PTPN9: variants seen among roughly 807,000 people sequenced by gnomAD.
The protein encoded by PTPN9 is tyrosine-protein phosphatase non-receptor type 9.
In PTPN9, 26 loss-of-function variants were observed where a neutral mutation model predicts 69.8. The observed-to-expected ratio is 0.37, with a 90% CI of 0.27 to 0.52. The LOEUF is 0.52. Ranked by LOEUF, PTPN9 falls within the 20% of genes least tolerant of loss-of-function variation. PTPN9 has a pLI of 0.91. For synonymous variants in PTPN9, 274 were observed against 272.5 expected (o/e 1.01, Z -0.05); for missense variants, 549 against 740.3 (o/e 0.74, Z 3.00).
intron 8 of PTPN9, among the ~76,000 whole-genome samples, chr15:75,488,175 G>A (rs767110265): frequency 1.7e-4 from 26 of 152,098 alleles, no homozygotes; most frequent in Non-Finnish European, 3.4e-4. Context: ...CAGCTACTCG[G>A]GAGGCTGAGA....
At chr15:75,478,405 CTTTAA>C (rs780272045) in intron 9 of PTPN9, among the ~76,000 whole-genome samples, 27 of 152,018 alleles carry the variant, frequency 1.8e-4, no homozygotes, top group Non-Finnish European at 3.4e-4. Flanking sequence ...GTGACTGGCC[CTTTAA>C]TTTATTTATT....
intron 7 of PTPN9, among the ~76,000 whole-genome samples, chr15:75,503,601 T>G (rs1451023796): frequency 1.1e-5 from 1 of 93,566 alleles, no homozygotes; most frequent in African/African-American, 4.3e-5. Flanking sequence ...GGTGGGGGGG[T>G]CAGCCCCCCG....
At chr15:75,507,783 G>A (rs1290508598) in intron 6 of PTPN9, among the ~76,000 whole-genome samples, 1 of 151,176 alleles carries the variant, frequency 6.6e-6, no homozygotes, top group Non-Finnish European at 1.5e-5. Context: ...GGTGGCTCAC[G>A]CTTGTAATCC....
In PTPN9 at chr15:75,468,080, A is replaced by G. The variant is rs1213745747; in HGVS notation, c.*689T>C. 1 of 152,688 alleles carries G rather than the reference A, an allele frequency of 6.5e-6. No individual in the cohort carries two copies. Among genetic ancestry groups the G allele is most frequent in the Non-Finnish European group, 1.5e-5 (1 of 68,078 alleles). The allele number at this position is 152,688 out of a possible 1,614,324, so 9.5% of individuals were successfully genotyped here. ...CACCAACCCAAGCTAGTCCAGGATA[A>G]ATAGTAGGGTCCAAGAAGCAAGGAG... On this transcript the variant is annotated 3_prime_UTR_variant, in exon 13 of 13. Coordinates refer to ENST00000618819, the MANE Select transcript of PTPN9 (RefSeq NM_002833.4).
Position 75,473,762 on chromosome 15 carries a change from A to G in PTPN9, c.1135T>C (p.Leu379=), listed in dbSNP as rs755125978. Reference sequence around the variant, plus strand: ...CAGAAATCACGATAGGTATTCTCCAAAGGACCTGAAATAAAAGGAGAAGAC... The same window carrying G: ...CAGAAATCACGATAGGTATTCTCCAGAGGACCTGAAATAAAAGGAGAAGAC... ...KNAYIGTQGP[L]ENTYRDFWLM... Residue 379 remains leucine, a synonymous_variant, in exon 10 of 13, where the codon TTG becomes CTG. Transcript: ENST00000618819. 1.4e-5 allele frequency: 22 copies of G among 1,566,734 alleles called. 1 individual carries two copies. In the South Asian group the frequency reaches 2.4e-4, roughly 17 times the overall value.
intron 1 of PTPN9, among the ~76,000 whole-genome samples, chr15:75,558,701 G>C (rs534686993): frequency 1.3e-5 from 2 of 152,218 alleles, no homozygotes; most frequent in East Asian, 1.9e-4. Flanking sequence ...ACTGGTTTTT[G>C]TATTTTTTTG....
intron 1 of PTPN9, among the ~76,000 whole-genome samples, chr15:75,555,169 A>AG (rs1443993254): frequency 2.6e-5 from 4 of 152,196 alleles, no homozygotes; most frequent in African/African-American, 9.6e-5. Context: ...TTCCTCTTCC[A>AG]GGGAACAGTT....
chr15:75,542,881 G>T (rs911587997), intron 1 of PTPN9, among the ~76,000 whole-genome samples: 1 of 149,796 alleles, frequency 6.7e-6, no homozygotes, highest in African/African-American at 2.5e-5. Flanking sequence ...TAAGTTTTCG[G>T]GTACATGTGC....
At chr15:75,516,307 T>C (rs552143250) in intron 5 of PTPN9, among the ~76,000 whole-genome samples, 1 of 149,614 alleles carries the variant, frequency 6.7e-6, no homozygotes, top group Non-Finnish European at 1.5e-5. Context: ...TTTCTTCTTT[T>C]TTTTTTTTTT....
At chr15:75,469,724 G>C in intron 12 of PTPN9, 68 bp downstream of exon 12, 1 of 1,526,946 alleles carries the variant, frequency 6.5e-7, no homozygotes, top group Non-Finnish European at 9.1e-7. Flanking sequence ...TGTGGGCTAA[G>C]AGCTTTGTTT....
At chr15:75,538,223 C>A (rs867827086) in intron 1 of PTPN9, among the ~76,000 whole-genome samples, 17 of 152,098 alleles carry the variant, frequency 1.1e-4, no homozygotes, top group Non-Finnish European at 1.6e-4. Context: ...AAGTATATAA[C>A]CTTCTCAACA....
chr15:75,493,218 G>A (rs1035621831), intron 7 of PTPN9, among the ~76,000 whole-genome samples: 1 of 150,492 alleles, frequency 6.6e-6, no homozygotes, highest in African/African-American at 2.4e-5. Context: ...GGCTACAGAA[G>A]TTTAAAAAAA....
At chr15:75,502,055 G>C (rs2074775489) in intron 7 of PTPN9, among the ~76,000 whole-genome samples, 1 of 152,028 alleles carries the variant, frequency 6.6e-6, no homozygotes, top group African/African-American at 2.4e-5. Context: ...TACTCAGGAG[G>C]CTGAAGTAGG....
chr15:75,482,770 T>A (rs529328176), intron 8 of PTPN9, among the ~76,000 whole-genome samples: 16 of 147,486 alleles, frequency 1.1e-4, no homozygotes, highest in African/African-American at 1.5e-4. Context: ...CCAAGAATTA[T>A]CAATAAAAAA....
At chr15:75,473,292 C>T (rs2074578521) in intron 10 of PTPN9, among the ~76,000 whole-genome samples, 1 of 152,012 alleles carries the variant, frequency 6.6e-6, no homozygotes, top group South Asian at 2.1e-4. Context: ...CTCTGTAGCC[C>T]AGGCTGGAGT....
chr15:75,576,642 T>G (rs1490226854), intron 1 of PTPN9, among the ~76,000 whole-genome samples: 2 of 151,416 alleles, frequency 1.3e-5, no homozygotes, highest in Admixed American at 1.3e-4. Context: ...ACCCCGCGTC[T>G]ACTAAAAATA....
intron 1 of PTPN9, among the ~76,000 whole-genome samples, chr15:75,530,920 T>A (rs1314816228): frequency 3.2e-5 from 4 of 123,592 alleles, no homozygotes; most frequent in Non-Finnish European, 6.4e-5. Flanking sequence ...TAATATATAT[T>A]TTTATTATTA....
At chr15:75,542,167 A>G (rs1446293966) in intron 1 of PTPN9, among the ~76,000 whole-genome samples, 4 of 152,226 alleles carry the variant, frequency 2.6e-5, no homozygotes, top group African/African-American at 9.6e-5. Flanking sequence ...ATCTTTCACA[A>G]TGAGTTTACA....
At chr15:75,535,299 A>C (rs1251839066) in intron 1 of PTPN9, among the ~76,000 whole-genome samples, 2 of 152,120 alleles carry the variant, frequency 1.3e-5, no homozygotes, top group African/African-American at 4.8e-5. Context: ...CCCGGCCTCA[A>C]CTGAAAACAC....
Sources: gnomAD v4.1 joint callset for allele counts (sites outside exome capture counted in the v4.1 genomes callset) on GRCh38, gnomAD v4.1.1 for gene constraint, MANE v1.5 for transcripts, NCBI Gene and HGNC (gene_info 2026-07-23, HGNC 2026-07-21) for gene names.